The following MGAT4D variants were observed in gnomAD, a reference collection of about 807,000 sequenced individuals.
MGAT4D encodes the protein MGAT4 family member D.
A neutral mutation model predicts 15.9 loss-of-function variants in MGAT4D; 34 were observed. The observed-to-expected ratio is 2.14, with a 90% CI of 1.62 to 2.84. The LOEUF (loss-of-function observed/expected upper bound fraction) is 2.84, where lower values mean the gene tolerates loss of function less well. Among genes scored for constraint, MGAT4D ranks in the 30% most tolerant of loss-of-function variants. The pLI is 0.00. For missense variants in MGAT4D, 327 were observed against 140.2 expected (o/e 2.33, Z -6.73); for synonymous variants, 112 against 48.2 (o/e 2.33, Z -5.49).
At chr4:140,482,559 T>C (rs1578704510) in intron 1 of MGAT4D, 74 bp from the exon 2 acceptor site, 1 of 550,684 alleles carries the variant, frequency 1.8e-6, no homozygotes, top group Middle Eastern at 4.8e-4. Flanking sequence ...TAGGTAAGAA[T>C]GTAAAGTATA....
At chr4:140,492,227 T>G (rs1349033993) in intron 1 of MGAT4D, among the ~76,000 whole-genome samples, 2 of 152,114 alleles carry the variant, frequency 1.3e-5, no homozygotes, top group Non-Finnish European at 2.9e-5. Context: ...CTTTGGAGGA[T>G]GCACCACTGT....
intron 3 of MGAT4D, among the ~76,000 whole-genome samples, chr4:140,478,600 C>T (rs1732492722): frequency 6.6e-6 from 1 of 151,854 alleles, no homozygotes; most frequent in African/African-American, 2.4e-5. Flanking sequence ...AGTAATAGGC[C>T]CTATTGCATT....
At chr4:140,471,885 CTTT>C (rs748978455) in intron 4 of MGAT4D, 64 bp from the exon 5 acceptor site, 12 of 328,722 alleles carry the variant, frequency 3.7e-5, no homozygotes, top group Non-Finnish European at 5.0e-5. Flanking sequence ...AATACAACTT[CTTT>C]TGCTACATAT....
At chr4:140,493,365 G>A (rs757391388) in intron 1 of MGAT4D, among the ~76,000 whole-genome samples, 1 of 147,132 alleles carries the variant, frequency 6.8e-6, no homozygotes, top group South Asian at 2.1e-4. Context: ...GTGCGATCTC[G>A]GCTTACTGCA....
At chr4:140,446,004 C>T (rs1260346335) in intron 10 of MGAT4D, among the ~76,000 whole-genome samples, 1 of 152,106 alleles carries the variant, frequency 6.6e-6, no homozygotes, top group Non-Finnish European at 1.5e-5. Context: ...ATCTTGCATG[C>T]CAGGGATAAA....
chr4:140,444,651 T>C (rs1400828053), intron 10 of MGAT4D, among the ~76,000 whole-genome samples: 1 of 152,208 alleles, frequency 6.6e-6, no homozygotes, highest in East Asian at 1.9e-4. Flanking sequence ...TTCTGTGTCT[T>C]TGCTATTGTG....
intron 9 of MGAT4D, among the ~76,000 whole-genome samples, chr4:140,453,218 A>G (rs1446906751): frequency 6.6e-6 from 1 of 152,074 alleles, no homozygotes. Context: ...TTTCAAAACT[A>G]TTTTAGTAGA....
chr4:140,480,372 T>G (rs532327482), intron 2 of MGAT4D, among the ~76,000 whole-genome samples: 7 of 152,198 alleles, frequency 4.6e-5, no homozygotes, highest in Admixed American at 4.6e-4. Context: ...AACATAAACC[T>G]ATGAATTTTT....
chr4:140,479,780 T>G (rs1732576370), intron 2 of MGAT4D, among the ~76,000 whole-genome samples, 153 bp from the exon 3 acceptor site: 1 of 152,056 alleles, frequency 6.6e-6, no homozygotes. Context: ...ATTAAAATAA[T>G]AATGCTAAAT....
At chr4:140,455,931 G>C (rs540269741) in intron 9 of MGAT4D, among the ~76,000 whole-genome samples, 1 of 152,084 alleles carries the variant, frequency 6.6e-6, no homozygotes, top group South Asian at 2.1e-4. Context: ...GAGCCTAGGA[G>C]CTTTAGACCA....
chr4:140,492,902 C>T (rs1733597430), intron 1 of MGAT4D, among the ~76,000 whole-genome samples: 1 of 152,054 alleles, frequency 6.6e-6, no homozygotes, highest in Non-Finnish European at 1.5e-5. Flanking sequence ...GAGAAGGGGG[C>T]TCAATAGAAC....
chr4:140,485,899 G>C (rs1733096262), intron 1 of MGAT4D, among the ~76,000 whole-genome samples: 1 of 130,862 alleles, frequency 7.6e-6, no homozygotes, highest in Non-Finnish European at 1.6e-5. Flanking sequence ...TCACTTATCT[G>C]TTTTTTCTGA....
intron 10 of MGAT4D, among the ~76,000 whole-genome samples, chr4:140,447,586 T>G (rs1578630585): frequency 6.6e-6 from 1 of 152,302 alleles, no homozygotes; most frequent in South Asian, 2.1e-4. Context: ...TTTGAGCTTA[T>G]AAGAGTCACT....
intron 3 of MGAT4D, among the ~76,000 whole-genome samples, chr4:140,475,587 G>A (rs1389718283): frequency 6.9e-6 from 1 of 145,256 alleles, no homozygotes; most frequent in African/African-American, 2.6e-5. Context: ...CTTTAAGATA[G>A]GGATAAGGAC....
chr4:140,472,745 A>C (rs1211665212), intron 4 of MGAT4D, among the ~76,000 whole-genome samples: 2 of 152,214 alleles, frequency 1.3e-5, no homozygotes, highest in African/African-American at 4.8e-5. Flanking sequence ...AAATCTAAAC[A>C]TTTTAGACAG....
intron 4 of MGAT4D, among the ~76,000 whole-genome samples, chr4:140,473,627 A>C (rs1401278234): frequency 6.6e-6 from 1 of 152,182 alleles, no homozygotes; most frequent in Non-Finnish European, 1.5e-5. Flanking sequence ...TTAACCTTGG[A>C]CTTCTAAATC....
At chr4:140,480,406 C>T (rs1179394585) in intron 2 of MGAT4D, among the ~76,000 whole-genome samples, 2 of 151,980 alleles carry the variant, frequency 1.3e-5, no homozygotes, top group African/African-American at 4.8e-5. Context: ...AGAAAACCTT[C>T]ATGACCCTGA....
chr4:140,479,246 C>T (rs912646826), intron 3 of MGAT4D, among the ~76,000 whole-genome samples: 2 of 152,170 alleles, frequency 1.3e-5, no homozygotes, highest in Non-Finnish European at 2.9e-5. Context: ...GTATATTTGA[C>T]TTATATTACT....
At chr4:140,446,743 GTTTTTTTTTTTTTTTTTTTTTTTTTTT>G (rs149442061) in intron 10 of MGAT4D, among the ~76,000 whole-genome samples, 3 of 8,170 alleles carry the variant, frequency 3.7e-4, no homozygotes, top group Non-Finnish European at 6.7e-4. Context: ...TGCTTCTCTA[GTTTTTTTTTTTTTTTTTTTTTTTTTTT>G]TTTTTTTTTT....
Sources: gnomAD v4.1 joint callset for allele counts (sites outside exome capture counted in the v4.1 genomes callset) on GRCh38, gnomAD v4.1.1 for gene constraint, MANE v1.5 for transcripts, NCBI Gene and HGNC (gene_info 2026-07-23, HGNC 2026-07-21) for gene names.